The following PCDHGA12 variants were observed in gnomAD, a reference collection of about 807,000 sequenced individuals.
PCDHGA12 encodes the protein protocadherin gamma subfamily A, 12.
A neutral mutation model predicts 61.1 loss-of-function variants in PCDHGA12; 43 were observed. That is an observed-to-expected ratio of 0.70 (90% CI 0.55 to 0.91). PCDHGA12 has a LOEUF of 0.91. Ranked by LOEUF, PCDHGA12 falls within the 40% of genes least tolerant of loss-of-function variation. The probability of loss-of-function intolerance (pLI) is 0.00; values close to 1 mark genes in which losing one functional copy is unlikely to be tolerated. For synonymous variants in PCDHGA12, 520 were observed against 542.9 expected (o/e 0.96, Z 0.59); for missense variants, 1,236 against 1,227.7 (o/e 1.01, Z -0.10).
rs573580017 is a variant in PCDHGA12, at chr5:141,484,867, G to T, written c.2425-9940G>T. 33 of 282,678 alleles carry T rather than the reference G, an allele frequency of 1.2e-4. No individual in the cohort carries two copies. The South Asian group carries it at 1.6e-3, about 14-fold the overall frequency. The allele number at this position is 282,678 out of a possible 1,614,324, so 17.5% of individuals were successfully genotyped here. On this transcript the variant is annotated intron_variant, in intron 1 of 3. Transcript: ENST00000252085. ...TGGGTTTTTTGGGGGGTGGGGGAGC[G>T]TGGAGGATAGGGTGGGCTTTTTCCC...
Position 141,487,858 on chromosome 5 carries a change from G to C in PCDHGA12, c.2425-6949G>C, listed in dbSNP as rs575288726. Reference sequence around the variant, plus strand: ...ATCTGAGTAAGAAATGAAAGTAATTGGTGATCAAGAGCCAGGCTGTTGTGG... The same window carrying C: ...ATCTGAGTAAGAAATGAAAGTAATTCGTGATCAAGAGCCAGGCTGTTGTGG... On this transcript the variant is annotated intron_variant, in intron 1 of 3. Transcript: ENST00000252085. The surrounding 1 kb of genome is among the most constrained non-coding windows in gnomAD (Gnocchi z 5.0). The C allele has an allele frequency of 3.8e-5, 36 of 953,250 alleles. No individual in the cohort carries two copies. The Middle Eastern group carries it at 1.3e-3, about 35-fold the overall frequency. 59.0% of individuals were successfully genotyped at this position (953,250 alleles called of 1,614,324 possible). A position where few individuals can be genotyped will look rare whatever the true frequency, so the allele number is the denominator to read the frequency against.
intron 2 of PCDHGA12, among the ~76,000 whole-genome samples, chr5:141,496,186 G>A (rs879940448): frequency 2.0e-5 from 3 of 152,018 alleles, no homozygotes; most frequent in Non-Finnish European, 4.4e-5. Flanking sequence ...AGCAGCCCCA[G>A]CTGCTCATTT....
intron 1 of PCDHGA12, among the ~76,000 whole-genome samples, chr5:141,456,729 C>T (rs1337183677): frequency 6.6e-6 from 1 of 152,158 alleles, no homozygotes; most frequent in Non-Finnish European, 1.5e-5. Context: ...CTTTGGGAGG[C>T]TGAGGCGGGA....
chr5:141,462,036 G>A (rs760555655), intron 1 of PCDHGA12, among the ~76,000 whole-genome samples: 5 of 151,978 alleles, frequency 3.3e-5, no homozygotes, highest in African/African-American at 7.3e-5. Flanking sequence ...TTGGTCAGGC[G>A]GGTCTTGAAC....
At chr5:141,509,908 G>A (rs376035312) in intron 3 of PCDHGA12, among the ~76,000 whole-genome samples, 1 of 152,164 alleles carries the variant, frequency 6.6e-6, no homozygotes, top group African/African-American at 2.4e-5. Flanking sequence ...TCCAGCATGC[G>A]CTTAGGTACA....
In PCDHGA12 at chr5:141,432,361, G is replaced by A; in HGVS notation, c.1602G>A (p.Ala534=). 1 of 1,614,230 alleles carries A rather than the reference G, an allele frequency of 6.2e-7. No individual in the cohort carries two copies. Among genetic ancestry groups the A allele is most frequent in the Non-Finnish European group, 8.5e-7 (1 of 1,180,050 alleles). Residue 534 remains alanine, a synonymous_variant, in exon 1 of 4, where the codon GCG becomes GCA. Coordinates refer to ENST00000252085, the MANE Select transcript of PCDHGA12 (RefSeq NM_003735.3). The surrounding 1 kb of genome is among the most constrained non-coding windows in gnomAD (Gnocchi z 6.0). Reference sequence around the variant, plus strand: ...GAGACTTGCAAGTGAAAGTGATGGCGCGGGACAACGGGCACCCGCCCCTCA... The same window carrying A: ...GAGACTTGCAAGTGAAAGTGATGGCACGGGACAACGGGCACCCGCCCCTCA... ...QFRDLQVKVM[A]RDNGHPPLSS... is the part of the protein sequence containing the mutation.
chr5:141,478,415 C>T, intron 1 of PCDHGA12: 1 of 1,613,648 alleles, frequency 6.2e-7, no homozygotes, highest in Non-Finnish European at 8.5e-7. Flanking sequence ...CACGGACTCC[C>T]GCCGCAGCGA....
intron 1 of PCDHGA12, among the ~76,000 whole-genome samples, chr5:141,480,693 G>C (rs1488899685): frequency 2.6e-5 from 4 of 152,096 alleles, no homozygotes; most frequent in Non-Finnish European, 5.9e-5. Context: ...CTGAAACCCA[G>C]GCCACACCCC....
At chr5:141,488,198 GGACTC>G in intron 1 of PCDHGA12, among the ~76,000 whole-genome samples, 1 of 152,166 alleles carries the variant, frequency 6.6e-6, no homozygotes, top group Non-Finnish European at 1.5e-5. Context: ...CTGGGTCTTA[GGACTC>G]ATATCAAGTC....
chr5:141,487,884 A>G lies in PCDHGA12; in HGVS notation c.2425-6923A>G. 1.3e-6 allele frequency: 1 copy of G among 766,716 alleles called. No homozygotes were observed. Among genetic ancestry groups the G allele is most frequent in the Non-Finnish European group, 2.1e-6 (1 of 481,170 alleles). 47.5% of individuals were successfully genotyped at this position (766,716 alleles called of 1,614,324 possible). On this transcript the variant is annotated intron_variant, in intron 1 of 3. Transcript: ENST00000252085. The surrounding 1 kb of genome is among the most constrained non-coding windows in gnomAD (Gnocchi z 5.0). ...GTGATCAAGAGCCAGGCTGTTGTGG[A>G]AGCATGATGATGGAATGTGGGAGCA...
chr5:141,495,545 A>G (rs1174346915), intron 2 of PCDHGA12, among the ~76,000 whole-genome samples: 3 of 151,824 alleles, frequency 2.0e-5, no homozygotes, highest in Non-Finnish European at 4.4e-5. Flanking sequence ...CTCAGTCTCT[A>G]TCTCGCTTTG....
chr5:141,475,381 T>G (rs1182018899), intron 1 of PCDHGA12, among the ~76,000 whole-genome samples: 3 of 152,226 alleles, frequency 2.0e-5, no homozygotes, highest in Non-Finnish European at 4.4e-5. Flanking sequence ...ACTTTTAAAT[T>G]TTATAAGCCA....
intron 1 of PCDHGA12, among the ~76,000 whole-genome samples, chr5:141,453,679 T>C (rs960698192): frequency 2.0e-5 from 3 of 152,230 alleles, no homozygotes; most frequent in Non-Finnish European, 2.9e-5. Context: ...GGTAACACAC[T>C]ATGTAGGTAG....
rs926566427 is a variant in PCDHGA12, at chr5:141,505,127, A to T, written c.2484-266A>T. Among the ~76,000 whole-genome samples, 9 of 152,158 alleles carry T rather than the reference A, an allele frequency of 5.9e-5. No homozygotes were observed. The East Asian group carries it at 1.5e-3, about 26-fold the overall frequency. The stretch of plus-strand genomic sequence containing the variant: ...CAATGAGCCAAGATCGCGCCACTGC[A>T]CTCCAGCCTGGATGACAGAGTAAGA... On this transcript the variant is annotated intron_variant, in intron 2 of 3. Transcript: ENST00000252085.
chr5:141,510,804 T>C (rs965530116), intron 3 of PCDHGA12, 143 bp from the exon 4 acceptor site: 2 of 1,504,768 alleles, frequency 1.3e-6, no homozygotes, highest in Admixed American at 2.0e-5. Flanking sequence ...AGAGACTACC[T>C]TGGTGACCCC....
chr5:141,478,660 T>C, intron 1 of PCDHGA12: 2 of 1,551,848 alleles, frequency 1.3e-6, no homozygotes, highest in Non-Finnish European at 1.7e-6. Flanking sequence ...TGGTGATGCA[T>C]TCACACTTTC....
chr5:141,446,532 A>G (rs1443843436), intron 1 of PCDHGA12, among the ~76,000 whole-genome samples: 1 of 151,788 alleles, frequency 6.6e-6, no homozygotes, highest in Non-Finnish European at 1.5e-5. Flanking sequence ...GCTGGAGTGC[A>G]GTGGCCCTAT....
intron 1 of PCDHGA12, among the ~76,000 whole-genome samples, chr5:141,439,406 C>T (rs2098110611): frequency 6.6e-6 from 1 of 152,190 alleles, no homozygotes; most frequent in Non-Finnish European, 1.5e-5. Flanking sequence ...CATGTGCTAA[C>T]ATCACTGAGG....
At chr5:141,482,089 CAA>C (rs36035257) in intron 1 of PCDHGA12, among the ~76,000 whole-genome samples, 9,071 of 134,384 alleles carry the variant, frequency 0.068, 318 homozygotes, top group South Asian at 0.13. Context: ...CACTCCATCT[CAA>C]AAAAAAAAAA....
Sources: gnomAD v4.1 joint callset for allele counts (sites outside exome capture counted in the v4.1 genomes callset) on GRCh38, gnomAD v4.1.1 for gene constraint, Gnocchi (gnomAD v3.1) non-coding constraint, MANE v1.5 for transcripts, NCBI Gene and HGNC (gene_info 2026-07-23, HGNC 2026-07-21) for gene names.